SHQ1: variants seen among roughly 807,000 people sequenced by gnomAD.
SHQ1 encodes the protein protein SHQ1 homolog.
SHQ1 carries 49 observed loss-of-function variants against 53.8 expected under a neutral mutation model. The ratio of observed to expected loss-of-function variants is 0.91; its 90% CI spans 0.72 to 1.16. SHQ1 has a LOEUF of 1.16. Among genes scored for constraint, SHQ1 ranks in the 50% most tolerant of loss-of-function variants. The pLI is 0.00. For missense variants in SHQ1, 738 were observed against 683.1 expected (o/e 1.08, Z -0.90); for synonymous variants, 243 against 251.0 (o/e 0.97, Z 0.30).
At chr3:72,831,402 T>C (rs1467305432) in intron 5 of SHQ1, among the ~76,000 whole-genome samples, 1 of 152,218 alleles carries the variant, frequency 6.6e-6, no homozygotes, top group East Asian at 1.9e-4. Flanking sequence ...ATGGAGAGAC[T>C]CTTTTCAAGT....
Position 72,844,203 on chromosome 3 carries a change from A to G in SHQ1, c.208+156T>C, listed in dbSNP as rs115311301. Among the ~76,000 whole-genome samples the G allele has an allele frequency of 5.3e-3, 809 of 152,350 alleles. 7 individuals carry two copies. Among genetic ancestry groups the G allele is most frequent in the Non-Finnish European group, 9.1e-3 (617 of 68,024 alleles). On this transcript the variant is annotated intron_variant, in intron 2 of 10. Coordinates refer to ENST00000325599, the MANE Select transcript of SHQ1 (RefSeq NM_018130.3). ...GACTTGTGAGGGGTGGGGAACATCAATAACAGGCACTGGACACTAAGAAAC... is the reference window on the plus strand; with the variant it reads ...GACTTGTGAGGGGTGGGGAACATCAGTAACAGGCACTGGACACTAAGAAAC...
At chr3:72,805,795 T>A (rs899936650) in intron 9 of SHQ1, among the ~76,000 whole-genome samples, 1 of 152,190 alleles carries the variant, frequency 6.6e-6, no homozygotes, top group Non-Finnish European at 1.5e-5. Context: ...TGAAGCCAAA[T>A]AACCACAAGC....
At chr3:72,791,235 T>G (rs1706425143) in intron 10 of SHQ1, among the ~76,000 whole-genome samples, 1 of 152,190 alleles carries the variant, frequency 6.6e-6, no homozygotes, top group Non-Finnish European at 1.5e-5. Context: ...CATTTAATTT[T>G]ATTATGAAAA....
At chr3:72,796,288 T>C (rs1575700275) in intron 9 of SHQ1, among the ~76,000 whole-genome samples, 1 of 151,958 alleles carries the variant, frequency 6.6e-6, no homozygotes, top group African/African-American at 2.4e-5. Context: ...AGAACGTCTC[T>C]AAACTTAGGT....
At chr3:72,769,155 C>A (rs974555638) in intron 10 of SHQ1, among the ~76,000 whole-genome samples, 7 of 152,160 alleles carry the variant, frequency 4.6e-5, no homozygotes, top group Non-Finnish European at 1.0e-4. Context: ...GGGTCTGTGG[C>A]AGAATGGAGA....
At chr3:72,827,265 G>C (rs141509378) in intron 5 of SHQ1, among the ~76,000 whole-genome samples, 6 of 152,170 alleles carry the variant, frequency 3.9e-5, no homozygotes, top group African/African-American at 1.2e-4. Context: ...TTTACAAACA[G>C]ACCCATCCAA....
chr3:72,840,509 T>C (rs893031657), intron 4 of SHQ1, among the ~76,000 whole-genome samples: 3 of 148,820 alleles, frequency 2.0e-5, no homozygotes, highest in African/African-American at 5.0e-5. Flanking sequence ...TCAGCCGAGA[T>C]CGTGCCACTG....
intron 10 of SHQ1, among the ~76,000 whole-genome samples, chr3:72,768,007 C>T (rs1204826395): frequency 1.3e-5 from 2 of 152,070 alleles, no homozygotes; most frequent in African/African-American, 2.4e-5. Context: ...CTTGCAGCCA[C>T]TTCATTCCAC....
chr3:72,833,271 T>A (rs1005563335), intron 4 of SHQ1, among the ~76,000 whole-genome samples: 2 of 151,812 alleles, frequency 1.3e-5, no homozygotes. Context: ...AGAAACCCCA[T>A]CTCCACAAAA....
chr3:72,843,993 T>A (rs779925578), intron 2 of SHQ1, among the ~76,000 whole-genome samples: 25 of 152,350 alleles, frequency 1.6e-4, no homozygotes, highest in Middle Eastern at 3.4e-3. Flanking sequence ...AAAGTTCAAG[T>A]TTGAAAATTA....
chr3:72,847,596 C>G (rs980695542), intron 1 of SHQ1, among the ~76,000 whole-genome samples: 1 of 152,138 alleles, frequency 6.6e-6, no homozygotes, highest in Non-Finnish European at 1.5e-5. Context: ...CTGACAGACC[C>G]TCACGGAGAC....
chr3:72,759,449 G>C (rs1333308081), intron 10 of SHQ1, among the ~76,000 whole-genome samples: 3 of 152,192 alleles, frequency 2.0e-5, no homozygotes, highest in Non-Finnish European at 4.4e-5. Flanking sequence ...CCAGCACTTT[G>C]GGAGGCCAAG....
intron 4 of SHQ1, among the ~76,000 whole-genome samples, chr3:72,840,255 A>G (rs1487087734): frequency 1.3e-5 from 2 of 150,252 alleles, no homozygotes; most frequent in African/African-American, 4.9e-5. Flanking sequence ...AAAAAAAAAA[A>G]AAAAAAAAAA....
chr3:72,842,938 G>T (rs1452497997), intron 2 of SHQ1, among the ~76,000 whole-genome samples: 1 of 152,062 alleles, frequency 6.6e-6, no homozygotes, highest in Non-Finnish European at 1.5e-5. Context: ...AGCTGGGAGT[G>T]GTGGCATGTG....
intron 6 of SHQ1, among the ~76,000 whole-genome samples, chr3:72,818,075 C>G: frequency 6.6e-6 from 1 of 151,804 alleles, no homozygotes; most frequent in Non-Finnish European, 1.5e-5. Flanking sequence ...ATAGTTTTCT[C>G]TAGACATGTA....
At chr3:72,840,996 C>A in intron 4 of SHQ1, 49 bp downstream of exon 4, 1 of 1,550,052 alleles carries the variant, frequency 6.5e-7, no homozygotes, top group Non-Finnish European at 8.7e-7. Context: ...ATTAAAATAT[C>A]CAAATGGAAA....
At chr3:72,830,905 T>G (rs995086310) in intron 5 of SHQ1, among the ~76,000 whole-genome samples, 12 of 152,216 alleles carry the variant, frequency 7.9e-5, no homozygotes, top group Non-Finnish European at 1.5e-4. Flanking sequence ...AGGCCATAGT[T>G]ATTCTTCTAG....
intron 4 of SHQ1, among the ~76,000 whole-genome samples, chr3:72,833,520 A>G (rs57407473): frequency 1.4e-5 from 2 of 142,792 alleles, no homozygotes; most frequent in East Asian, 2.1e-4. Flanking sequence ...ACAGACAGAT[A>G]GATGGATGAT....
chr3:72,825,361 TACACACACACAC>T (rs61048915), intron 5 of SHQ1, among the ~76,000 whole-genome samples: 27 of 141,968 alleles, frequency 1.9e-4, no homozygotes, highest in South Asian at 4.6e-4. Context: ...TAAAAGGGGC[TACACACACACAC>T]ACACACACAC....
Sources: allele counts gnomAD v4.1 joint callset (sites outside exome capture counted in the v4.1 genomes callset), GRCh38; gene constraint gnomAD v4.1.1; transcripts MANE v1.5; gene names NCBI Gene and HGNC (gene_info 2026-07-23, HGNC 2026-07-21).